Variants in TFDP1 observed in about 807,000 individuals in gnomAD.
TFDP1 encodes the protein transcription factor Dp-1.
A neutral mutation model predicts 48.0 loss-of-function variants in TFDP1; 6 were observed. That is an observed-to-expected ratio of 0.13 (90% CI 0.07 to 0.25). The LOEUF is 0.25. TFDP1 is among the 10% of genes least tolerant of loss of function. The pLI is 1.00. For missense variants in TFDP1, 335 were observed against 543.0 expected, an observed-to-expected ratio of 0.62 and a Z score of 3.81; for synonymous variants, 201 against 211.6, an observed-to-expected ratio of 0.95 and a Z score of 0.44.
At chr13:113,613,693 GT>G (rs2048772073) in intron 3 of TFDP1, among the ~76,000 whole-genome samples, 1 of 149,712 alleles carries the variant, frequency 6.7e-6, no homozygotes, top group African/African-American at 2.5e-5. Flanking sequence ...GTGTGTGTGT[GT>G]ATGCGTGAAT....
chr13:113,614,871 G>A (rs1418609434), intron 3 of TFDP1, among the ~76,000 whole-genome samples: 3 of 152,194 alleles, frequency 2.0e-5, no homozygotes, highest in East Asian at 1.9e-4. Context: ...AAATGCAGGT[G>A]TTGCTCTGAA....
chr13:113,603,172 G>A (rs576186072), intron 2 of TFDP1, among the ~76,000 whole-genome samples: 603 of 152,378 alleles, frequency 4.0e-3, no homozygotes, highest in Non-Finnish European at 6.2e-3. Flanking sequence ...GTGAGACAGC[G>A]TGGGGTCCAG....
chr13:113,610,622 G>A (rs1387478697), intron 2 of TFDP1, among the ~76,000 whole-genome samples: 8 of 151,666 alleles, frequency 5.3e-5, no homozygotes, highest in South Asian at 2.1e-4. Flanking sequence ...TGGCTGTGCC[G>A]TCACACGTGT....
rs756492250 is a variant in TFDP1 at position 113,607,357 on chromosome 13, G to T, written c.13-3639G>T. Reference sequence around the variant, plus strand: ...GTGGCTGGTGGAACCAGCAGGCCAAGGCTGTGGATTTTGAAGTGCTGTCTG... The same window carrying T: ...GTGGCTGGTGGAACCAGCAGGCCAATGCTGTGGATTTTGAAGTGCTGTCTG... On this transcript the variant is annotated intron_variant, in intron 2 of 11. Coordinates refer to ENST00000375370, the MANE Select transcript of TFDP1 (RefSeq NM_007111.5). This position sits in a 1 kb window ranked among gnomAD's most constrained non-coding sequence, Gnocchi z 5.2. 2.2e-4 allele frequency among the ~76,000 whole-genome samples: 34 copies of T among 152,266 alleles called. No individual in the cohort carries two copies. The highest frequency in any genetic ancestry group is 4.7e-4 in the Non-Finnish European group (32 of 68,046).
intron 9 of TFDP1, 151 bp from the exon 10 acceptor site, chr13:113,636,383 C>CA (rs1449158650): frequency 1.8e-5 from 18 of 1,020,992 alleles, no homozygotes; most frequent in Non-Finnish European, 2.3e-5. Context: ...TCATTTACTT[C>CA]AGAGTTTATA....
At chr13:113,587,568 T>C (rs1412563466) in intron 2 of TFDP1, among the ~76,000 whole-genome samples, 1 of 140,622 alleles carries the variant, frequency 7.1e-6, no homozygotes, top group Non-Finnish European at 1.5e-5. Flanking sequence ...CACTGCAACC[T>C]CTGTCTCCTG....
chr13:113,591,009 C>CAAAAAAAA (rs71101595), intron 2 of TFDP1, among the ~76,000 whole-genome samples: 3 of 59,810 alleles, frequency 5.0e-5, no homozygotes, highest in African/African-American at 2.1e-4. Context: ...GACTCTGTCT[C>CAAAAAAAA]AAAAAAAAAA....
chr13:113,590,749 G>A (rs960740285), intron 2 of TFDP1, among the ~76,000 whole-genome samples: 3 of 151,972 alleles, frequency 2.0e-5, no homozygotes, highest in African/African-American at 7.2e-5. Flanking sequence ...AGTGGCTCAC[G>A]CCTGTAATCC....
chr13:113,605,339 A>G (rs1309088680), intron 2 of TFDP1, among the ~76,000 whole-genome samples: 2 of 150,818 alleles, frequency 1.3e-5, no homozygotes, highest in African/African-American at 4.9e-5. Context: ...AGATAAATTC[A>G]GTGACGACCT....
intron 11 of TFDP1, among the ~76,000 whole-genome samples, chr13:113,638,750 A>G (rs967016295): frequency 3.3e-5 from 5 of 152,268 alleles, no homozygotes; most frequent in African/African-American, 9.6e-5. Flanking sequence ...TTAGTGCTTC[A>G]AAGATAAATA....
intron 2 of TFDP1, among the ~76,000 whole-genome samples, chr13:113,588,710 G>A (rs940613407): frequency 2.6e-5 from 4 of 152,112 alleles, no homozygotes; most frequent in Non-Finnish European, 5.9e-5. Flanking sequence ...AGTGAGTGGT[G>A]GTGGACTTGA....
chr13:113,633,016 C>CT lies in TFDP1; in HGVS notation c.309-99dup. Reference sequence around the variant, plus strand: ...CTGCTGCGCCCGTGGGACGTGGCCCCTTTTTGTGCAGCTCATTAGAGCTCT... The same window carrying CT: ...CTGCTGCGCCCGTGGGACGTGGCCCCTTTTTTGTGCAGCTCATTAGAGCTCT... On this transcript the variant is annotated intron_variant, in intron 5 of 11. Coordinates refer to ENST00000375370, the MANE Select transcript of TFDP1 (RefSeq NM_007111.5). This position sits in a 1 kb window ranked among gnomAD's most constrained non-coding sequence, Gnocchi z 4.5. 1 of 1,470,950 alleles carries CT rather than the reference C, an allele frequency of 6.8e-7. No homozygotes were observed. Among genetic ancestry groups the CT allele is most frequent in the African/African-American group, 1.4e-5 (1 of 70,468 alleles). 91.1% of individuals were successfully genotyped at this position (1,470,950 alleles called of 1,614,324 possible).
At chr13:113,604,894 C>T (rs537214063) in intron 2 of TFDP1, among the ~76,000 whole-genome samples, 1 of 152,152 alleles carries the variant, frequency 6.6e-6, no homozygotes, top group Non-Finnish European at 1.5e-5. Flanking sequence ...CAGGCCCCGT[C>T]CCAGGAGCGA....
chr13:113,585,932 A>C (rs2140244498), intron 2 of TFDP1, 83 bp downstream of exon 2: 1 of 1,464,382 alleles, frequency 6.8e-7, no homozygotes, highest in East Asian at 2.3e-5. Context: ...TTTCAGAATG[A>C]CAACACATAA....
chr13:113,633,079 G>A lies in TFDP1; in HGVS notation c.309-41G>A. On this transcript the variant is annotated intron_variant, in intron 5 of 11. Coordinates refer to ENST00000375370, the MANE Select transcript of TFDP1 (RefSeq NM_007111.5). This position sits in a 1 kb window ranked among gnomAD's most constrained non-coding sequence, Gnocchi z 4.5. Reference sequence around the variant, plus strand: ...TTCCTCGATTCAGGCTGATCCTCAGGAGGGCTGACAGTCGCTTCTCTTTTC... The same window carrying A: ...TTCCTCGATTCAGGCTGATCCTCAGAAGGGCTGACAGTCGCTTCTCTTTTC... 3.1e-6 allele frequency: 5 copies of A among 1,612,310 alleles called. No individual in the cohort carries two copies. The highest frequency in any genetic ancestry group is 4.2e-6 in the Non-Finnish European group (5 of 1,179,324).
intron 2 of TFDP1, among the ~76,000 whole-genome samples, chr13:113,594,520 C>T (rs373031766): frequency 1.3e-3 from 176 of 140,320 alleles, no homozygotes; most frequent in African/African-American, 5.1e-3. Context: ...CTCAGCCCTG[C>T]CCAGGTGACA....
intron 4 of TFDP1, among the ~76,000 whole-genome samples, chr13:113,625,987 GTC>G (rs763746539): frequency 2.9e-5 from 4 of 138,088 alleles, no homozygotes; most frequent in African/African-American, 8.9e-5. Flanking sequence ...GTCCTCAGGT[GTC>G]TCTCACGTGT....
rs2048587420 is a variant in TFDP1, at chr13:113,607,044, G to A, written c.13-3952G>A. Among the ~76,000 whole-genome samples, 2 of 152,260 alleles carry A rather than the reference G, an allele frequency of 1.3e-5. No homozygotes were observed. The highest frequency in any genetic ancestry group is 6.5e-5 in the Admixed American group (1 of 15,290). ...GCGGCCCCAGAAGTCATGCCTCTGA[G>A]TCCGTGGTTCTTAGCTGAGGGTGGC... On this transcript the variant is annotated intron_variant, in intron 2 of 11. Transcript: ENST00000375370. The surrounding 1 kb of genome is among the most constrained non-coding windows in gnomAD (Gnocchi z 5.2).
At position 113,623,065 on chromosome 13, in the gene TFDP1, G is replaced by A. The variant is rs1476839965; in HGVS notation, c.80-115G>A. ...GAGCCCTGGATTTGAGACAGTACAC[G>A]TGGGGAAAGCTAAGCATCTCTAATT... On this transcript the variant is annotated intron_variant, in intron 3 of 11. Coordinates refer to ENST00000375370, the MANE Select transcript of TFDP1 (RefSeq NM_007111.5). This position sits in a 1 kb window ranked among gnomAD's most constrained non-coding sequence, Gnocchi z 5.2. 1.9e-5 allele frequency: 16 copies of A among 864,586 alleles called. No homozygotes were observed. Among genetic ancestry groups the A allele is most frequent in the Admixed American group, 6.7e-5 (3 of 44,986 alleles). The allele number at this position is 864,586 out of a possible 1,614,324, so 53.6% of individuals were successfully genotyped here.
Sources: allele counts gnomAD v4.1 joint callset (sites outside exome capture counted in the v4.1 genomes callset), GRCh38; gene constraint gnomAD v4.1.1; non-coding constraint Gnocchi (gnomAD v3.1); transcripts MANE v1.5; gene names NCBI Gene and HGNC (gene_info 2026-07-23, HGNC 2026-07-21).